The following PCDH11X variants were observed in gnomAD, a reference collection of about 807,000 sequenced individuals.
PCDH11X encodes protocadherin-11 X-linked.
Under a neutral mutation model 53.3 loss-of-function variants are expected in PCDH11X, and 18 were observed. The ratio of observed to expected loss-of-function variants is 0.34; its 90% confidence interval spans 0.23 to 0.50. The LOEUF (loss-of-function observed/expected upper bound fraction) is 0.50, where lower values mean the gene tolerates loss of function less well. Ranked by LOEUF, PCDH11X falls within the 20% of genes least tolerant of loss-of-function variation. The pLI is 0.98. For missense variants in PCDH11X, 570 were observed against 1,032.4 expected (o/e 0.55, Z 6.14); for synonymous variants, 279 against 393.3 (o/e 0.71, Z 3.44).
chrX:92,463,156 A>G (rs1457277338), intron 9 of PCDH11X, among the ~76,000 whole-genome samples: 4 of 110,067 alleles, frequency 3.6e-5, no homozygotes, highest in African/African-American at 1.3e-4. Context: ...AAAAGGAACA[A>G]TTATATTCTA....
At chrX:92,274,454 A>G (rs1485612460) in intron 8 of PCDH11X, among the ~76,000 whole-genome samples, 3 of 111,070 alleles carry the variant, frequency 2.7e-5, no homozygotes, top group Non-Finnish European at 1.9e-5. Flanking sequence ...TGTCTGACAG[A>G]ACGGAAGAAA....
chrX:92,384,757 T>C (rs2148569696), intron 8 of PCDH11X, among the ~76,000 whole-genome samples: 1 of 106,914 alleles, frequency 9.4e-6, no homozygotes, highest in African/African-American at 3.4e-5. Flanking sequence ...CTGCAAAATA[T>C]CTCAAGCACT....
At chrX:92,497,910 T>G (rs1378781191) in intron 10 of PCDH11X, among the ~76,000 whole-genome samples, 2 of 111,955 alleles carry the variant, frequency 1.8e-5, no homozygotes, top group Admixed American at 1.9e-4. Flanking sequence ...AAGGTTGCTA[T>G]GCCCTTATTT....
intron 6 of PCDH11X, among the ~76,000 whole-genome samples, chrX:91,974,418 A>T (rs775912562): frequency 3.1e-4 from 35 of 111,964 alleles, no homozygotes; most frequent in African/African-American, 1.0e-3. Context: ...GGGTTTGCTC[A>T]TTGAGAAGGT....
chrX:92,112,151 G>A (rs1381214142), intron 6 of PCDH11X, among the ~76,000 whole-genome samples: 2 of 107,055 alleles, frequency 1.9e-5, no homozygotes, highest in Non-Finnish European at 3.8e-5. Context: ...TATAACCTTT[G>A]CTCTTATGGA....
chrX:91,982,993 C>G (rs2062165889), intron 6 of PCDH11X: 1 of 1,178,598 alleles, frequency 8.5e-7, no homozygotes, highest in African/African-American at 1.8e-5. Flanking sequence ...TTGCAGCCAA[C>G]TGCAAAGTTG....
intron 10 of PCDH11X, among the ~76,000 whole-genome samples, chrX:92,509,451 T>G (rs1468289855): frequency 4.5e-5 from 5 of 110,586 alleles, no homozygotes; most frequent in Admixed American, 9.7e-5. Context: ...GTTTTAATAG[T>G]GACAAGAAAT....
In PCDH11X at chrX:92,044,906, A is replaced by C. The variant is rs1317155985; in HGVS notation, c.3034-156469A>C. 3.1e-5 allele frequency among the ~76,000 whole-genome samples: 3 copies of C among 95,582 alleles called. No homozygotes were observed. The East Asian group carries it at 1.2e-3, about 39-fold the overall frequency. The allele number at this position is 95,582 out of a possible 115,157, so 83.0% of individuals were successfully genotyped here. A position where few individuals can be genotyped will look rare whatever the true frequency, so the allele number is the denominator to read the frequency against. ...ACTTTATTTGCATCAAATAATGTGT[A>C]AGATATATTGGCACATCTGTATGAT... On this transcript the variant is annotated intron_variant, in intron 6 of 10. Transcript: ENST00000682573.
At chrX:92,224,210 A>G (rs963704907) in intron 7 of PCDH11X, among the ~76,000 whole-genome samples, 1 of 112,115 alleles carries the variant, frequency 8.9e-6, no homozygotes, top group Non-Finnish European at 1.9e-5. Context: ...TCAGTTACAC[A>G]GCTGTGCTGA....
chrX:92,525,842 G>T (rs1375890099), intron 10 of PCDH11X, among the ~76,000 whole-genome samples: 1 of 110,343 alleles, frequency 9.1e-6, no homozygotes, highest in Non-Finnish European at 1.9e-5. Context: ...ATTTCGTGAG[G>T]GCATGGAATT....
At chrX:92,167,669 G>GCTGT (rs2065757491) in intron 6 of PCDH11X, among the ~76,000 whole-genome samples, 1 of 111,725 alleles carries the variant, frequency 9.0e-6, no homozygotes, top group African/African-American at 3.2e-5. Flanking sequence ...GAAAGATCTT[G>GCTGT]CTGTCTATTT....
chrX:92,014,844 A>T (rs765034950), intron 6 of PCDH11X, among the ~76,000 whole-genome samples: 1 of 110,782 alleles, frequency 9.0e-6, no homozygotes, highest in East Asian at 2.9e-4. Context: ...ATGAGAACAC[A>T]TGGGCACAGG....
intron 6 of PCDH11X, among the ~76,000 whole-genome samples, chrX:91,904,249 T>G (rs1941067616): frequency 1.8e-5 from 2 of 110,766 alleles, no homozygotes; most frequent in African/African-American, 6.6e-5. Context: ...TAAAAATTAC[T>G]TTTGCACCAA....
At chrX:91,996,140 C>CTTTTTTT (rs753881311) in intron 6 of PCDH11X, among the ~76,000 whole-genome samples, 1 of 66,605 alleles carries the variant, frequency 1.5e-5, no homozygotes, top group African/African-American at 6.0e-5. Flanking sequence ...CACGCCTGGC[C>CTTTTTTT]TTTTTTTTTT....
chrX:91,822,880 T>A lies in PCDH11X; in HGVS notation c.-45+11585T>A, dbSNP rs773060980. 5.4e-5 allele frequency among the ~76,000 whole-genome samples: 6 copies of A among 111,647 alleles called. No homozygotes were observed. The South Asian group carries it at 2.2e-3, about 41-fold the overall frequency. On this transcript the variant is annotated intron_variant, in intron 4 of 10. Coordinates refer to ENST00000682573, the MANE Select transcript of PCDH11X (RefSeq NM_032968.5). ...GAGATTCTGGTACGTTGTGTCTTTGTTCTCATTGGTTTCAAAGAACATCTT... is the reference window on the plus strand; with the variant it reads ...GAGATTCTGGTACGTTGTGTCTTTGATCTCATTGGTTTCAAAGAACATCTT...
chrX:92,460,801 G>A lies in PCDH11X; in HGVS notation c.3344-7498G>A, dbSNP rs1265273163. 162 of 1,139,664 alleles carry A rather than the reference G, an allele frequency of 1.4e-4. No individual in the cohort carries two copies. In the South Asian group the frequency reaches 2.8e-3, roughly 20 times the overall value. 93.9% of individuals were successfully genotyped at this position (1,139,664 alleles called of 1,213,427 possible). A position where few individuals can be genotyped will look rare whatever the true frequency, so the allele number is the denominator to read the frequency against. Reference sequence around the variant, plus strand: ...CTGGAGGCTGAGATCGCCACCTACCGCCGCCTGCTGGAAGATGGCGAGGAC... The same window carrying A: ...CTGGAGGCTGAGATCGCCACCTACCACCGCCTGCTGGAAGATGGCGAGGAC... On this transcript the variant is annotated intron_variant, in intron 9 of 10. Coordinates refer to ENST00000682573, the MANE Select transcript of PCDH11X (RefSeq NM_032968.5).
intron 9 of PCDH11X, among the ~76,000 whole-genome samples, chrX:92,388,213 A>G (rs1452334845): frequency 3.6e-5 from 4 of 111,998 alleles, no homozygotes; most frequent in African/African-American, 1.3e-4. Flanking sequence ...ATTTATTTGT[A>G]TATAAACAGC....
At chrX:92,099,640 A>G (rs1023484299) in intron 6 of PCDH11X, among the ~76,000 whole-genome samples, 1 of 111,874 alleles carries the variant, frequency 8.9e-6, no homozygotes, top group Non-Finnish European at 1.9e-5. Context: ...CATAGAAAGC[A>G]AACAATACAT....
intron 6 of PCDH11X, among the ~76,000 whole-genome samples, chrX:92,004,832 G>A (rs2062571513): frequency 1.1e-5 from 1 of 89,466 alleles, no homozygotes; most frequent in African/African-American, 4.4e-5. Flanking sequence ...CTGGAATACA[G>A]TGGCCCAAGC....
Sources: gnomAD v4.1 joint callset for allele counts (sites outside exome capture counted in the v4.1 genomes callset) on GRCh38, gnomAD v4.1.1 for gene constraint, MANE v1.5 for transcripts, NCBI Gene and HGNC (gene_info 2026-07-23, HGNC 2026-07-21) for gene names.